Variants in SIK3 observed in about 807,000 individuals in gnomAD.
SIK3 encodes serine/threonine-protein kinase SIK3.
SIK3 carries 28 observed loss-of-function variants against 144.2 expected under a neutral mutation model. That is an observed-to-expected ratio of 0.19 (90% CI 0.14 to 0.27). SIK3 has a LOEUF of 0.27. Ranked by LOEUF, SIK3 falls within the 10% of genes least tolerant of loss-of-function variation. SIK3 has a pLI of 1.00. For missense variants in SIK3, 1,319 were observed against 1,776.0 expected, an observed-to-expected ratio of 0.74 and a Z score of 4.62; for synonymous variants, 686 against 676.3, an observed-to-expected ratio of 1.01 and a Z score of -0.22.
At chr11:116,975,958 T>C (rs762148240) in intron 1 of SIK3, among the ~76,000 whole-genome samples, 1 of 152,214 alleles carries the variant, frequency 6.6e-6, no homozygotes, top group African/African-American at 2.4e-5. Context: ...ATTTTCCTAA[T>C]GACTAATGAT....
At chr11:116,883,768 T>A (rs1230138754) in intron 6 of SIK3, among the ~76,000 whole-genome samples, 1 of 152,004 alleles carries the variant, frequency 6.6e-6, no homozygotes, top group Non-Finnish European at 1.5e-5. Flanking sequence ...ACACAGTCTC[T>A]ACTAAAAATA....
intron 1 of SIK3, among the ~76,000 whole-genome samples, chr11:116,995,477 G>A (rs2135579071): frequency 6.6e-6 from 1 of 151,980 alleles, no homozygotes; most frequent in Non-Finnish European, 1.5e-5. Context: ...TGCCCAGGCT[G>A]GTCCCAAACT....
At chr11:117,023,621 A>AAAAAAAAATATATAT (rs754624841) in intron 1 of SIK3, among the ~76,000 whole-genome samples, 4 of 95,418 alleles carry the variant, frequency 4.2e-5, no homozygotes, top group African/African-American at 1.7e-4. Flanking sequence ...AAAAAAAAAA[A>AAAAAAAAATATATAT]ATATATATAT....
chr11:117,029,903 T>C (rs1340820916), intron 1 of SIK3, among the ~76,000 whole-genome samples: 1 of 151,902 alleles, frequency 6.6e-6, no homozygotes, highest in Non-Finnish European at 1.5e-5. Context: ...GGAGTCATTA[T>C]GATGTAAACT....
chr11:116,867,068 C>T lies in SIK3; in HGVS notation c.1952+878G>A, dbSNP rs1279256812. The stretch of plus-strand genomic sequence containing the variant: ...CTGGCTGCAAGATTTCATAACACCA[C>T]ATATATAAACCTAGTTTCCTTGGAA... On this transcript the variant is annotated intron_variant, in intron 15 of 24. Transcript: ENST00000445177. This position sits in a 1 kb window ranked among gnomAD's most constrained non-coding sequence, Gnocchi z 4.1. 3.9e-5 allele frequency among the ~76,000 whole-genome samples: 6 copies of T among 152,312 alleles called. No homozygotes were observed. Among genetic ancestry groups the T allele is most frequent in the African/African-American group, 1.4e-4 (6 of 41,574 alleles).
At position 116,846,606 on chromosome 11, in the gene SIK3, G is replaced by A; in HGVS notation, c.3953-53C>T. On this transcript the variant is annotated intron_variant, in intron 23 of 24. Coordinates refer to ENST00000445177, the MANE Select transcript of SIK3 (RefSeq NM_001366686.3). This position sits in a 1 kb window ranked among gnomAD's most constrained non-coding sequence, Gnocchi z 4.1. ...TTGGCAGGGAACTGGGGGACTAGGA[G>A]AGCAAGGGGGAGAGAGAGGAGGAAT... 3 of 1,603,090 alleles carry A rather than the reference G, an allele frequency of 1.9e-6. No homozygotes were observed. Among genetic ancestry groups the A allele is most frequent in the Admixed American group, 3.4e-5 (2 of 59,690 alleles).
At chr11:117,012,962 C>G (rs2135691279) in intron 1 of SIK3, among the ~76,000 whole-genome samples, 1 of 149,768 alleles carries the variant, frequency 6.7e-6, no homozygotes, top group Middle Eastern at 3.6e-3. Flanking sequence ...CACCATTATC[C>G]TGCCTCAGCC....
chr11:116,960,810 A>T (rs1321603579), intron 1 of SIK3, among the ~76,000 whole-genome samples: 1 of 152,188 alleles, frequency 6.6e-6, no homozygotes, highest in African/African-American at 2.4e-5. Context: ...AATATATGTT[A>T]ATTACAGGTA....
chr11:117,049,261 T>C (rs1308765043), intron 1 of SIK3, among the ~76,000 whole-genome samples: 3 of 152,074 alleles, frequency 2.0e-5, no homozygotes, highest in Non-Finnish European at 4.4e-5. Flanking sequence ...GGATAAATTC[T>C]AGGGAGGGAT....
chr11:117,070,709 G>A lies in SIK3; in HGVS notation c.273+27434C>T, dbSNP rs1281752992. On this transcript the variant is annotated intron_variant, in intron 1 of 24. Coordinates refer to ENST00000445177, the MANE Select transcript of SIK3 (RefSeq NM_001366686.3). ...GATCCACCCGCCTCTGCCTTCCAAAGTGCTGGGGTTACAGGTGTGAGCCAC... is the reference window on the plus strand; with the variant it reads ...GATCCACCCGCCTCTGCCTTCCAAAATGCTGGGGTTACAGGTGTGAGCCAC... 2.6e-5 allele frequency among the ~76,000 whole-genome samples: 4 copies of A among 151,186 alleles called. No homozygotes were observed. The East Asian group carries it at 7.8e-4, about 29-fold the overall frequency.
intron 1 of SIK3, among the ~76,000 whole-genome samples, chr11:116,999,764 A>G (rs10502224): frequency 0.15 from 22,938 of 152,154 alleles, 2,452 homozygotes; most frequent in African/African-American, 0.3. Flanking sequence ...ACAACATTGC[A>G]GTAAATACTC....
intron 2 of SIK3, among the ~76,000 whole-genome samples, chr11:116,955,591 G>A (rs1489954003): frequency 6.6e-6 from 1 of 152,116 alleles, no homozygotes; most frequent in Non-Finnish European, 1.5e-5. Flanking sequence ...AACCTCTTGA[G>A]AAAGGTCAGC....
chr11:116,981,254 A>G (rs546193545), intron 1 of SIK3, among the ~76,000 whole-genome samples: 1 of 152,340 alleles, frequency 6.6e-6, no homozygotes, highest in South Asian at 2.1e-4. Context: ...ATCCACTTGC[A>G]GGATCGCTTA....
chr11:116,942,662 T>C (rs1168770475), intron 3 of SIK3, among the ~76,000 whole-genome samples: 2 of 152,040 alleles, frequency 1.3e-5, no homozygotes, highest in African/African-American at 2.4e-5. Flanking sequence ...TGTGGATATG[T>C]AGGAAAAGAG....
intron 1 of SIK3, among the ~76,000 whole-genome samples, chr11:117,022,668 A>G (rs1345173382): frequency 6.6e-6 from 1 of 152,134 alleles, no homozygotes; most frequent in Non-Finnish European, 1.5e-5. Context: ...TTGTGTCAAA[A>G]CGCAACATAG....
chr11:117,066,980 A>G (rs1314238939), intron 1 of SIK3, among the ~76,000 whole-genome samples: 2 of 152,258 alleles, frequency 1.3e-5, no homozygotes. Context: ...ATACCATGAC[A>G]CAACTATTGG....
chr11:117,018,775 C>T (rs541288835), intron 1 of SIK3, among the ~76,000 whole-genome samples: 16 of 151,350 alleles, frequency 1.1e-4, no homozygotes, highest in African/African-American at 3.6e-4. Context: ...TACAGTAGTG[C>T]ATCTCAACTC....
chr11:116,892,431 A>C (rs1945177654), intron 6 of SIK3, among the ~76,000 whole-genome samples: 1 of 152,268 alleles, frequency 6.6e-6, no homozygotes, highest in Non-Finnish European at 1.5e-5. Context: ...ACACCTCAAC[A>C]AAGATATATA....
At chr11:117,001,828 C>T (rs190410272) in intron 1 of SIK3, among the ~76,000 whole-genome samples, 1 of 152,300 alleles carries the variant, frequency 6.6e-6, no homozygotes, top group South Asian at 2.1e-4. Context: ...GAATACAATA[C>T]TCTCCCTACC....
Sources: gnomAD v4.1 joint callset for allele counts (sites outside exome capture counted in the v4.1 genomes callset) on GRCh38, gnomAD v4.1.1 for gene constraint, Gnocchi (gnomAD v3.1) non-coding constraint, MANE v1.5 for transcripts, NCBI Gene and HGNC (gene_info 2026-07-23, HGNC 2026-07-21) for gene names.